ZNF273: variants seen among roughly 807,000 people sequenced by gnomAD.
The protein encoded by ZNF273 is zinc finger protein 9.
A neutral mutation model predicts 14.9 loss-of-function variants in ZNF273; 11 were observed. That is an observed-to-expected ratio of 0.74 (90% CI 0.46 to 1.22). The LOEUF is 1.22. Among genes scored for constraint, ZNF273 ranks in the 50% most tolerant of loss-of-function variants. The pLI is 0.00. For missense variants in ZNF273, 577 were observed against 660.6 expected (o/e 0.87, Z 1.39); for synonymous variants, 199 against 223.9 (o/e 0.89, Z 0.99).
chr7:64,922,758 G>A (rs1794561948), intron 3 of ZNF273, among the ~76,000 whole-genome samples: 1 of 151,820 alleles, frequency 6.6e-6, no homozygotes, highest in Non-Finnish European at 1.5e-5. Flanking sequence ...TGAGGTCAGG[G>A]GTTTGAGGCC....
chr7:64,881,453 AG>A (rs1791252366), downstream of ZNF273, among the ~76,000 whole-genome samples: 1 of 152,246 alleles, frequency 6.6e-6, no homozygotes, highest in Non-Finnish European at 1.5e-5. Context: ...TACTTTTGGA[AG>A]GGTAAATTCC....
downstream of ZNF273, among the ~76,000 whole-genome samples, chr7:64,893,124 T>A (rs1792137346): frequency 1.3e-5 from 2 of 152,016 alleles, no homozygotes; most frequent in African/African-American, 4.8e-5. Flanking sequence ...AAAAAAAAAA[T>A]TTGTCTTCCT....
chr7:64,907,457 G>A (rs1411480886), intron 1 of ZNF273, among the ~76,000 whole-genome samples: 3 of 152,142 alleles, frequency 2.0e-5, no homozygotes, highest in Admixed American at 6.6e-5. Flanking sequence ...AGTGTTTGCT[G>A]AGTTCTGTGA....
chr7:64,878,079 T>C (rs1791162287), intron 1 of ZNF273, among the ~76,000 whole-genome samples: 1 of 152,154 alleles, frequency 6.6e-6, no homozygotes, highest in African/African-American at 2.4e-5. Context: ...GCTGAAAGGA[T>C]GTGGCTCACG....
At chr7:64,925,433 T>A (rs1287528471) in intron 3 of ZNF273, among the ~76,000 whole-genome samples, 2 of 149,794 alleles carry the variant, frequency 1.3e-5, no homozygotes, top group Admixed American at 1.3e-4. Flanking sequence ...ATACAAAGTT[T>A]TTTTGTTTGT....
At chr7:64,883,531 A>G (rs578150145), downstream of ZNF273, among the ~76,000 whole-genome samples, 30 of 152,262 alleles carry the variant, frequency 2.0e-4, no homozygotes, top group African/African-American at 7.2e-4. Context: ...CATCTGCTAA[A>G]CAGGTGCGGA....
intron 1 of ZNF273, among the ~76,000 whole-genome samples, chr7:64,885,163 G>C (rs1161104622): frequency 6.6e-6 from 1 of 152,182 alleles, no homozygotes; most frequent in Non-Finnish European, 1.5e-5. Context: ...CTCTTCTCTG[G>C]GGGATCCACG....
intron 1 of ZNF273, 150 bp from the exon 2 acceptor site, chr7:64,917,429 TTC>T: frequency 1.6e-6 from 2 of 1,213,394 alleles, no homozygotes; most frequent in Non-Finnish European, 2.2e-6. Flanking sequence ...TTGAGAATAT[TTC>T]TGTTTTGAAA....
downstream of ZNF273, chr7:64,893,665 G>A (rs1366553061): frequency 2.0e-5 from 2 of 97,958 alleles, no homozygotes; most frequent in African/African-American, 4.5e-5. Flanking sequence ...CCTCCCTCCC[G>A]TCCCCCTCCC....
intron 2 of ZNF273, 51 bp from the exon 3 acceptor site, chr7:64,918,146 A>T: frequency 6.7e-7 from 1 of 1,498,094 alleles, no homozygotes; most frequent in South Asian, 1.1e-5. Flanking sequence ...TTACTGGTTG[A>T]TAATTGGAGA....
At chr7:64,892,923 A>G (rs1792123116), downstream of ZNF273, among the ~76,000 whole-genome samples, 2 of 152,146 alleles carry the variant, frequency 1.3e-5, no homozygotes, top group Non-Finnish European at 1.5e-5. Context: ...GCTGCATCAT[A>G]TTGCCCATTC....
At chr7:64,881,832 G>A (rs1483394399), downstream of ZNF273, among the ~76,000 whole-genome samples, 2 of 152,214 alleles carry the variant, frequency 1.3e-5, no homozygotes, top group Non-Finnish European at 2.9e-5. Context: ...AAACCCTCTA[G>A]TTCTGCCAGG....
intron 4 of ZNF273, chr7:64,898,144 A>G (rs1792474603): frequency 6.6e-6 from 1 of 152,240 alleles, no homozygotes; most frequent in Non-Finnish European, 1.5e-5. Flanking sequence ...TATTCTGTCA[A>G]TAGAATAACA....
At chr7:64,893,065 T>C (rs1792132115), downstream of ZNF273, among the ~76,000 whole-genome samples, 3 of 152,166 alleles carry the variant, frequency 2.0e-5, no homozygotes, top group African/African-American at 7.2e-5. Flanking sequence ...CCAGCTTGCT[T>C]ATCTATGTTT....
intron 1 of ZNF273, among the ~76,000 whole-genome samples, chr7:64,905,835 G>A (rs773677552): frequency 6.6e-6 from 1 of 152,066 alleles, no homozygotes; most frequent in East Asian, 1.9e-4. Context: ...TTATCATCTT[G>A]AAAAGATTTC....
At chr7:64,912,838 T>G (rs867399232) in intron 1 of ZNF273, among the ~76,000 whole-genome samples, 32 of 99,952 alleles carry the variant, frequency 3.2e-4, no homozygotes, top group South Asian at 1.3e-3. Flanking sequence ...TTTTTTTTTT[T>G]TTTTTTTTGA....
chr7:64,925,360 A>G (rs1227321949), intron 3 of ZNF273, among the ~76,000 whole-genome samples: 1 of 152,172 alleles, frequency 6.6e-6, no homozygotes, highest in African/African-American at 2.4e-5. Context: ...TGGGGATTAC[A>G]TAAAACCTCT....
chr7:64,895,036 C>G (rs1202319205), intron 3 of ZNF273, among the ~76,000 whole-genome samples: 1 of 151,896 alleles, frequency 6.6e-6, no homozygotes, highest in East Asian at 1.9e-4. Context: ...ACTCAGGAGG[C>G]TGAGGCAGGA....
At chr7:64,933,036 A>C (rs1028623304), downstream of ZNF273, among the ~76,000 whole-genome samples, 9 of 152,100 alleles carry the variant, frequency 5.9e-5, no homozygotes, top group Non-Finnish European at 1.2e-4. Context: ...CAGTGGCGCC[A>C]TCTCGGCTCA....
Sources: gnomAD v4.1 joint callset for allele counts (sites outside exome capture counted in the v4.1 genomes callset) on GRCh38, gnomAD v4.1.1 for gene constraint, MANE v1.5 for transcripts, NCBI Gene and HGNC (gene_info 2026-07-23, HGNC 2026-07-21) for gene names.